Variants in KCNIP4 observed in about 807,000 individuals in gnomAD.
The protein encoded by KCNIP4 is potassium voltage-gated channel interacting protein 4.
A neutral mutation model predicts 34.0 loss-of-function variants in KCNIP4; 12 were observed. That is an observed-to-expected ratio of 0.35 (90% CI 0.23 to 0.57). The LOEUF (loss-of-function observed/expected upper bound fraction) is 0.57. Among genes scored for constraint, KCNIP4 ranks in the 20% least tolerant of loss-of-function variants. The probability of loss-of-function intolerance (pLI) is 0.83; values close to 1 mark genes in which losing one functional copy is unlikely to be tolerated. For synonymous variants in KCNIP4, 124 were observed against 102.2 expected (o/e 1.21, Z -1.29); for missense variants, 238 against 311.7 (o/e 0.76, Z 1.78).
intron 1 of KCNIP4, among the ~76,000 whole-genome samples, chr4:21,498,511 C>T (rs1019292997): frequency 6.6e-6 from 1 of 151,276 alleles, no homozygotes. Flanking sequence ...ATTAAATAAG[C>T]AACCCAATAA....
At chr4:21,310,178 G>A (rs373111462) in intron 1 of KCNIP4, among the ~76,000 whole-genome samples, 92 of 151,502 alleles carry the variant, frequency 6.1e-4, no homozygotes, top group African/African-American at 1.9e-3. Context: ...GAGTGCAGGC[G>A]TGCATCACCA....
chr4:21,148,132 C>T (rs889831507), intron 1 of KCNIP4, among the ~76,000 whole-genome samples: 2 of 152,032 alleles, frequency 1.3e-5, no homozygotes, highest in African/African-American at 4.8e-5. Context: ...TGCCTAATGG[C>T]TTAACCTTTG....
At chr4:20,872,185 C>G (rs1723544325) in intron 2 of KCNIP4, among the ~76,000 whole-genome samples, 1 of 152,076 alleles carries the variant, frequency 6.6e-6, no homozygotes, top group Non-Finnish European at 1.5e-5. Flanking sequence ...AATATGTCCA[C>G]CTCTAAGCAG....
chr4:21,363,159 C>A lies in KCNIP4; in HGVS notation c.62-480450G>T, dbSNP rs150987207. ...ATACAGTAGCTACTGAAGTTGAAGTCATGATTTGAATGCTTGTCTGATTCT... is the reference window on the plus strand; with the variant it reads ...ATACAGTAGCTACTGAAGTTGAAGTAATGATTTGAATGCTTGTCTGATTCT... On this transcript the variant is annotated intron_variant, in intron 1 of 8. Coordinates refer to ENST00000382152, the MANE Select transcript of KCNIP4 (RefSeq NM_025221.6). Among the ~76,000 whole-genome samples, 526 of 152,248 alleles carry A rather than the reference C, an allele frequency of 3.5e-3. 1 individual carries two copies. The highest frequency in any genetic ancestry group is 0.012 in the African/African-American group (492 of 41,550).
At chr4:20,984,064 C>A in intron 1 of KCNIP4, 2 of 1,374,134 alleles carry the variant, frequency 1.5e-6, no homozygotes, top group South Asian at 3.0e-5. Context: ...ATGCACCCTG[C>A]AAAGCCGGCG....
intron 1 of KCNIP4, among the ~76,000 whole-genome samples, chr4:21,811,441 G>T (rs1721646446): frequency 6.6e-6 from 1 of 152,162 alleles, no homozygotes; most frequent in African/African-American, 2.4e-5. Context: ...AAATGAAATA[G>T]ATAACAATGT....
chr4:21,355,134 T>C (rs529489618), intron 1 of KCNIP4, among the ~76,000 whole-genome samples: 1 of 152,318 alleles, frequency 6.6e-6, no homozygotes, highest in South Asian at 2.1e-4. Context: ...CCAGATTCTC[T>C]GGAACACATT....
At chr4:21,282,485 TG>T (rs1762841014) in intron 1 of KCNIP4, among the ~76,000 whole-genome samples, 1 of 151,750 alleles carries the variant, frequency 6.6e-6, no homozygotes, top group African/African-American at 2.4e-5. Context: ...TGTGTGTGTG[TG>T]TGTGTGTGTA....
rs568080230 is a variant in KCNIP4, at chr4:20,987,023, T to G, written c.62-104314A>C. Among the ~76,000 whole-genome samples, 34 of 152,214 alleles carry G rather than the reference T, an allele frequency of 2.2e-4. No individual in the cohort carries two copies. In the South Asian group the frequency reaches 6.4e-3, roughly 29 times the overall value. On this transcript the variant is annotated intron_variant, in intron 1 of 8. Coordinates refer to ENST00000382152, the MANE Select transcript of KCNIP4 (RefSeq NM_025221.6). ...TCACATGCACCCCCAGCTGTGAGATTTTGTAAGGTGACAGCACCATAAGAG... is the reference window on the plus strand; with the variant it reads ...TCACATGCACCCCCAGCTGTGAGATGTTGTAAGGTGACAGCACCATAAGAG...
At chr4:20,954,899 A>G (rs756092408) in intron 1 of KCNIP4, among the ~76,000 whole-genome samples, 7 of 152,168 alleles carry the variant, frequency 4.6e-5, no homozygotes, top group Non-Finnish European at 8.8e-5. Context: ...AATGATCTGA[A>G]TTGACTCATC....
intron 1 of KCNIP4, among the ~76,000 whole-genome samples, chr4:21,056,572 A>G (rs1743427803): frequency 6.6e-6 from 1 of 151,942 alleles, no homozygotes. Flanking sequence ...CCCTACATAC[A>G]CCCATTCTAT....
At chr4:21,267,289 T>C (rs981393725) in intron 1 of KCNIP4, among the ~76,000 whole-genome samples, 2 of 152,084 alleles carry the variant, frequency 1.3e-5, no homozygotes, top group African/African-American at 4.8e-5. Flanking sequence ...CTTTTAATTC[T>C]CTCATGACAA....
intron 1 of KCNIP4, among the ~76,000 whole-genome samples, chr4:21,819,099 C>T: frequency 6.6e-6 from 1 of 152,180 alleles, no homozygotes; most frequent in East Asian, 1.9e-4. Context: ...CAAACAGAGT[C>T]TTTCCAGGAA....
chr4:21,556,145 A>G (rs1371827381), intron 1 of KCNIP4, among the ~76,000 whole-genome samples: 4 of 152,156 alleles, frequency 2.6e-5, no homozygotes, highest in Non-Finnish European at 5.9e-5. Flanking sequence ...TTGAGTAAAA[A>G]TGGATTTTGA....
chr4:20,889,582 T>C (rs902239419), intron 1 of KCNIP4, among the ~76,000 whole-genome samples: 5 of 152,128 alleles, frequency 3.3e-5, no homozygotes, highest in African/African-American at 4.8e-5. Context: ...TGCCATCAAA[T>C]ACAGGTAAAA....
chr4:21,670,216 T>C (rs939284690), intron 1 of KCNIP4, among the ~76,000 whole-genome samples: 4 of 151,878 alleles, frequency 2.6e-5, no homozygotes, highest in Non-Finnish European at 5.9e-5. Flanking sequence ...GCTATTAAAC[T>C]TAGAGAATAA....
At chr4:21,593,537 C>T (rs990025852) in intron 1 of KCNIP4, among the ~76,000 whole-genome samples, 2 of 152,044 alleles carry the variant, frequency 1.3e-5, no homozygotes, top group South Asian at 2.1e-4. Flanking sequence ...CGGCTCACCT[C>T]GTCCTCATAA....
At position 21,548,144 on chromosome 4, in the gene KCNIP4, T is replaced by C. The variant is rs182312606; in HGVS notation, c.61+400427A>G. ...TCAGGGTAACCAAGGAGCACAGCAG[T>C]GTCACCAGAATACCTGTTATCTGTT... On this transcript the variant is annotated intron_variant, in intron 1 of 8. Transcript: ENST00000382152. Among the ~76,000 whole-genome samples the C allele has an allele frequency of 2.3e-3, 355 of 152,236 alleles. 3 individuals are homozygous for C. Among genetic ancestry groups the C allele is most frequent in the African/African-American group, 8.1e-3 (336 of 41,550 alleles).
chr4:21,122,500 C>A (rs1236578402), intron 1 of KCNIP4, among the ~76,000 whole-genome samples: 1 of 143,592 alleles, frequency 7.0e-6, no homozygotes, highest in African/African-American at 2.6e-5. Flanking sequence ...TTTTGAAAAT[C>A]AATATTTTCC....
Sources: gnomAD v4.1 joint callset for allele counts (sites outside exome capture counted in the v4.1 genomes callset) on GRCh38, gnomAD v4.1.1 for gene constraint, MANE v1.5 for transcripts, NCBI Gene and HGNC (gene_info 2026-07-23, HGNC 2026-07-21) for gene names.